Variants in CEP70 observed in about 807,000 individuals in gnomAD.
The protein encoded by CEP70 is centrosomal protein of 70 kDa.
Under a neutral mutation model 90.9 loss-of-function variants are expected in CEP70, and 70 were observed. The observed-to-expected ratio is 0.77, with a 90% CI of 0.64 to 0.94. The LOEUF is 0.94. Ranked by LOEUF, CEP70 falls within the 40% of genes least tolerant of loss-of-function variation. The probability of loss-of-function intolerance (pLI) is 0.00; values close to 1 mark genes in which losing one functional copy is unlikely to be tolerated. For synonymous variants in CEP70, 220 were observed against 228.3 expected (o/e 0.96, Z 0.33); for missense variants, 648 against 669.0 (o/e 0.97, Z 0.35).
chr3:138,574,606 T>C (rs1424389744), intron 2 of CEP70, among the ~76,000 whole-genome samples: 1 of 152,164 alleles, frequency 6.6e-6, no homozygotes, highest in Non-Finnish European at 1.5e-5. Flanking sequence ...CCCAGCATGG[T>C]GTTTGAGCTC....
chr3:138,591,252 A>G (rs1048667563), intron 2 of CEP70, among the ~76,000 whole-genome samples: 13 of 152,226 alleles, frequency 8.5e-5, no homozygotes, highest in African/African-American at 2.9e-4. Context: ...TTAAAAATGT[A>G]TAAAATTAGC....
At chr3:138,509,544 C>T (rs970353304) in intron 11 of CEP70, among the ~76,000 whole-genome samples, 1 of 152,152 alleles carries the variant, frequency 6.6e-6, no homozygotes, top group African/African-American at 2.4e-5. Context: ...CTGTAGTAAT[C>T]TTTCTTCTCC....
intron 11 of CEP70, among the ~76,000 whole-genome samples, chr3:138,520,427 T>G (rs2036504738): frequency 1.3e-5 from 2 of 152,174 alleles, no homozygotes; most frequent in Non-Finnish European, 2.9e-5. Context: ...GACCACATAG[T>G]TGGAAGTAAA....
At chr3:138,587,957 T>A (rs1395868990) in intron 2 of CEP70, among the ~76,000 whole-genome samples, 1 of 151,502 alleles carries the variant, frequency 6.6e-6, no homozygotes, top group Non-Finnish European at 1.5e-5. Context: ...GACAACTAAT[T>A]TTCACCAAAG....
At chr3:138,586,483 A>G (rs2042111847) in intron 2 of CEP70, among the ~76,000 whole-genome samples, 1 of 152,254 alleles carries the variant, frequency 6.6e-6, no homozygotes, top group Non-Finnish European at 1.5e-5. Context: ...ATAATGGAGT[A>G]CTACTCAGCC....
intron 6 of CEP70, among the ~76,000 whole-genome samples, chr3:138,554,740 A>G (rs1021838436): frequency 2.3e-4 from 35 of 152,226 alleles, no homozygotes; most frequent in African/African-American, 8.4e-4. Context: ...TAAAGTACTT[A>G]AGAATATACC....
At chr3:138,502,430 T>G (rs1384333851) in intron 13 of CEP70, among the ~76,000 whole-genome samples, 1 of 152,198 alleles carries the variant, frequency 6.6e-6, no homozygotes, top group Non-Finnish European at 1.5e-5. Flanking sequence ...ACTTCACATA[T>G]TGGTATCTTT....
intron 11 of CEP70, among the ~76,000 whole-genome samples, chr3:138,511,420 T>C (rs2035527592): frequency 6.6e-6 from 1 of 152,250 alleles, no homozygotes; most frequent in African/African-American, 2.4e-5. Context: ...GAAAAGCTGA[T>C]ATGGCCTCTA....
At chr3:138,521,044 G>C (rs983507654) in intron 11 of CEP70, among the ~76,000 whole-genome samples, 2 of 152,130 alleles carry the variant, frequency 1.3e-5, no homozygotes, top group African/African-American at 4.8e-5. Flanking sequence ...TCCTGACCTC[G>C]AGTGATCTGC....
intron 6 of CEP70, among the ~76,000 whole-genome samples, chr3:138,540,286 G>A (rs2038645959): frequency 6.6e-6 from 1 of 152,138 alleles, no homozygotes; most frequent in African/African-American, 2.4e-5. Flanking sequence ...CCTGAGGCCA[G>A]GAGTTCGAGA....
intron 2 of CEP70, among the ~76,000 whole-genome samples, chr3:138,583,570 A>G (rs1576945451): frequency 6.6e-6 from 1 of 152,330 alleles, no homozygotes; most frequent in East Asian, 1.9e-4. Flanking sequence ...AACAAGTGTT[A>G]AAACATTAAA....
chr3:138,566,105 G>A (rs2040767163), intron 6 of CEP70, among the ~76,000 whole-genome samples: 1 of 152,186 alleles, frequency 6.6e-6, no homozygotes, highest in Non-Finnish European at 1.5e-5. Flanking sequence ...TTAGAGAAAT[G>A]CAAATCAAAA....
At chr3:138,497,637 A>G in intron 17 of CEP70, 1 of 961,320 alleles carries the variant, frequency 1.0e-6, no homozygotes, top group Non-Finnish European at 1.2e-6. Context: ...GAGAGGAAAT[A>G]TTATTTGTAT....
At chr3:138,507,362 T>C (rs1267614622) in intron 12 of CEP70, among the ~76,000 whole-genome samples, 1 of 152,328 alleles carries the variant, frequency 6.6e-6, no homozygotes, top group East Asian at 1.9e-4. Flanking sequence ...TATTAATCTA[T>C]AAAGTCAATT....
At chr3:138,546,140 T>C (rs1370419667) in intron 6 of CEP70, among the ~76,000 whole-genome samples, 3 of 152,130 alleles carry the variant, frequency 2.0e-5, no homozygotes, top group Non-Finnish European at 4.4e-5. Flanking sequence ...CCTACCAATA[T>C]GTGATGTCAT....
intron 10 of CEP70, among the ~76,000 whole-genome samples, chr3:138,527,487 G>A (rs1188044481): frequency 6.6e-6 from 1 of 151,786 alleles, no homozygotes; most frequent in Non-Finnish European, 1.5e-5. Context: ...GAGGTCAGGA[G>A]ATCGAGACCA....
chr3:138,514,664 A>C (rs991957442), intron 11 of CEP70, among the ~76,000 whole-genome samples: 7 of 152,112 alleles, frequency 4.6e-5, no homozygotes, highest in Middle Eastern at 3.4e-3. Context: ...TAAGTTTTTA[A>C]AATCTTTTTT....
chr3:138,589,758 C>T (rs375884838), intron 2 of CEP70, among the ~76,000 whole-genome samples: 3 of 152,008 alleles, frequency 2.0e-5, no homozygotes, highest in Non-Finnish European at 4.4e-5. Context: ...GACTTTGATA[C>T]CAATACTTTA....
chr3:138,544,124 T>C (rs924371760), intron 6 of CEP70, among the ~76,000 whole-genome samples: 3 of 152,154 alleles, frequency 2.0e-5, no homozygotes, highest in Non-Finnish European at 4.4e-5. Context: ...TCCCCATCTC[T>C]TTTAAAAACT....
Sources: allele counts gnomAD v4.1 joint callset (sites outside exome capture counted in the v4.1 genomes callset), GRCh38; gene constraint gnomAD v4.1.1; transcripts MANE v1.5; gene names NCBI Gene and HGNC (gene_info 2026-07-23, HGNC 2026-07-21).